Variants in CNIH3 observed in about 807,000 individuals in gnomAD.
CNIH3 encodes the protein cornichon family AMPA receptor auxiliary protein 3.
CNIH3 carries 14 observed loss-of-function variants against 24.1 expected under a neutral mutation model. The ratio of observed to expected loss-of-function variants is 0.58; its 90% confidence interval spans 0.38 to 0.91. The LOEUF is 0.91. Among genes scored for constraint, CNIH3 ranks in the 40% least tolerant of loss-of-function variants. The probability of loss-of-function intolerance (pLI) is 0.00; values close to 1 mark genes in which losing one functional copy is unlikely to be tolerated. For missense variants in CNIH3, 178 were observed against 196.8 expected (o/e 0.90, Z 0.57); for synonymous variants, 68 against 73.8 (o/e 0.92, Z 0.40).
intron 3 of CNIH3, among the ~76,000 whole-genome samples, chr1:224,724,050 C>G (rs1230462376): frequency 1.3e-5 from 2 of 152,112 alleles, no homozygotes; most frequent in African/African-American, 4.8e-5. Context: ...CATCTCTTAA[C>G]AAAAAATTTT....
rs1166789882 is a variant in CNIH3, at chr1:224,546,869, G to C, written n.380G>C. On this transcript the variant is annotated non_coding_transcript_exon_variant, in exon 3 of 6. Coordinates refer to the CNIH3 transcript ENST00000471578. ...ACCTTTCCTGAAGAGATGATGATGGGGCCATTTGACATGGGACACAGCAGG... is the reference window on the plus strand; with the variant it reads ...ACCTTTCCTGAAGAGATGATGATGGCGCCATTTGACATGGGACACAGCAGG... 6 of 984,466 alleles carry C rather than the reference G, an allele frequency of 6.1e-6. No individual in the cohort carries two copies. In the Admixed American group the frequency reaches 3.7e-4, roughly 61 times the overall value. 61.0% of individuals were successfully genotyped at this position (984,466 alleles called of 1,614,324 possible).
At chr1:224,562,956 A>G (rs1680434069) in intron 3 of CNIH3, among the ~76,000 whole-genome samples, 1 of 152,224 alleles carries the variant, frequency 6.6e-6, no homozygotes, top group South Asian at 2.1e-4. Context: ...GCTACTGAAG[A>G]GTGTGTAAAA....
At chr1:224,680,821 C>A in intron 1 of CNIH3, 137 bp from the exon 2 acceptor site, 1 of 665,162 alleles carries the variant, frequency 1.5e-6, no homozygotes, top group South Asian at 1.8e-5. Context: ...CGACAGTGAC[C>A]AGCTGCTGGC....
chr1:224,538,101 C>T (rs1389361880), downstream of CNIH3, among the ~76,000 whole-genome samples: 6 of 151,952 alleles, frequency 3.9e-5, no homozygotes, highest in Admixed American at 1.3e-4. Context: ...CAGGTGCCAC[C>T]GTGCCTGGCT....
chr1:224,734,812 G>C, intron 5 of CNIH3, 106 bp downstream of exon 5: 1 of 1,169,906 alleles, frequency 8.5e-7, no homozygotes, highest in Non-Finnish European at 1.3e-6. Context: ...GCGAGGGTGG[G>C]AGTCATGGCC....
intron 1 of CNIH3, among the ~76,000 whole-genome samples, chr1:224,651,490 C>T (rs1361736485): frequency 6.6e-6 from 1 of 152,214 alleles, no homozygotes; most frequent in Non-Finnish European, 1.5e-5. Context: ...ACTGTCCCCT[C>T]CATTCTCAGG....
chr1:224,610,197 G>A (rs1040977320), intron 3 of CNIH3, among the ~76,000 whole-genome samples: 6 of 152,172 alleles, frequency 3.9e-5, no homozygotes, highest in East Asian at 1.9e-4. Flanking sequence ...TGATAGGTTC[G>A]ATGTATTAAA....
In CNIH3 at chr1:224,733,208, A is replaced by G. The variant is rs146416570; in HGVS notation, c.312-1355A>G. On this transcript the variant is annotated intron_variant, in intron 4 of 5. Coordinates refer to ENST00000272133, the MANE Select transcript of CNIH3 (RefSeq NM_152495.2). ...TCACAACAGCCCTTTGCAGTGGGCA[A>G]TTCCATCCCCATTTCACCGATGAGA... is the stretch of plus-strand genomic sequence containing the variant. Among the ~76,000 whole-genome samples, 209 of 152,312 alleles carry G rather than the reference A, an allele frequency of 1.4e-3. 3 individuals are homozygous for G. The South Asian group carries it at 0.023, about 16-fold the overall frequency.
chr1:224,563,644 A>G (rs1423521954), intron 3 of CNIH3, among the ~76,000 whole-genome samples: 3 of 152,234 alleles, frequency 2.0e-5, no homozygotes, highest in Non-Finnish European at 4.4e-5. Context: ...GCTAGCCAGT[A>G]TTAAGTATCT....
chr1:224,696,590 T>C (rs1040116879), intron 3 of CNIH3, among the ~76,000 whole-genome samples: 2 of 152,120 alleles, frequency 1.3e-5, no homozygotes, highest in Non-Finnish European at 2.9e-5. Context: ...TTGAATGATA[T>C]TAAGTGGGAC....
chr1:224,623,906 C>A (rs1356617346), intron 1 of CNIH3, among the ~76,000 whole-genome samples: 1 of 152,154 alleles, frequency 6.6e-6, no homozygotes, highest in Non-Finnish European at 1.5e-5. Context: ...AGCCTTTGGT[C>A]CCCAGGCCCT....
At chr1:224,531,364 G>A (rs184347913) in intron 2 of CNIH3, among the ~76,000 whole-genome samples, 1 of 152,284 alleles carries the variant, frequency 6.6e-6, no homozygotes, top group Admixed American at 6.5e-5. Context: ...TGAATGTTAT[G>A]AAGAGGTGCA....
At chr1:224,734,730 GT>G (rs1558350639) in intron 5 of CNIH3, 24 bp downstream of exon 5, 1 of 1,611,484 alleles carries the variant, frequency 6.2e-7, no homozygotes, top group Non-Finnish European at 8.5e-7. Context: ...CCTCCTGGTG[GT>G]TTTGACTCCT....
intron 1 of CNIH3, among the ~76,000 whole-genome samples, chr1:224,441,852 A>T (rs895465636): frequency 2.0e-5 from 3 of 152,172 alleles, no homozygotes; most frequent in African/African-American, 7.2e-5. Context: ...ATGAAATATT[A>T]TAATAGCCTA....
intron 1 of CNIH3, among the ~76,000 whole-genome samples, chr1:224,638,546 C>G (rs896047788): frequency 1.2e-4 from 19 of 152,314 alleles, no homozygotes; most frequent in Middle Eastern, 3.4e-3. Flanking sequence ...GGTGCCGTAA[C>G]ATTCTGGGCC....
intron 2 of CNIH3, 56 bp downstream of exon 2, chr1:224,681,082 C>T: frequency 7.0e-7 from 1 of 1,426,686 alleles, no homozygotes; most frequent in Admixed American, 1.7e-5. Context: ...TACCCAGGGC[C>T]TGGGAAGGAG....
chr1:224,632,676 C>T (rs1031760916), intron 1 of CNIH3, among the ~76,000 whole-genome samples: 1 of 151,832 alleles, frequency 6.6e-6, no homozygotes, highest in Non-Finnish European at 1.5e-5. Context: ...GGGAACTGGC[C>T]CAGATGCTGT....
At chr1:224,655,934 G>A (rs1685075128) in intron 1 of CNIH3, among the ~76,000 whole-genome samples, 1 of 152,210 alleles carries the variant, frequency 6.6e-6, no homozygotes, top group South Asian at 2.1e-4. Flanking sequence ...TGGTGATTAT[G>A]TGAGTTTCAG....
At chr1:224,717,135 C>T (rs1026060691) in intron 3 of CNIH3, among the ~76,000 whole-genome samples, 2 of 152,178 alleles carry the variant, frequency 1.3e-5, no homozygotes, top group Admixed American at 1.3e-4. Flanking sequence ...TGTGTGTGTG[C>T]ATGCACACGT....
Sources: gnomAD v4.1 joint callset for allele counts (sites outside exome capture counted in the v4.1 genomes callset) on GRCh38, gnomAD v4.1.1 for gene constraint, MANE v1.5 for transcripts, NCBI Gene and HGNC (gene_info 2026-07-23, HGNC 2026-07-21) for gene names.